RBFOX1: variants seen among roughly 807,000 people sequenced by gnomAD.
RBFOX1 encodes RNA binding fox-1 homolog 1, also known as RNA binding protein fox-1 homolog 1.
Under a neutral mutation model 57.7 loss-of-function variants are expected in RBFOX1, and 8 were observed. The ratio of observed to expected loss-of-function variants is 0.14; its 90% CI spans 0.08 to 0.25. RBFOX1 has a LOEUF of 0.25. Among genes scored for constraint, RBFOX1 ranks in the 10% least tolerant of loss-of-function variants. RBFOX1 has a pLI of 1.00. For synonymous variants in RBFOX1, 326 were observed against 222.4 expected (o/e 1.47, Z -4.15); for missense variants, 611 against 548.5 (o/e 1.11, Z -1.14).
intron 3 of RBFOX1, among the ~76,000 whole-genome samples, chr16:6,908,816 G>C (rs1321721484): frequency 2.0e-4 from 30 of 152,096 alleles, no homozygotes; most frequent in Admixed American, 2.0e-3. Flanking sequence ...GATAAATGGA[G>C]GTGAGGTTGT....
intron 3 of RBFOX1, among the ~76,000 whole-genome samples, chr16:6,683,959 C>T (rs11077066): frequency 0.67 from 102,393 of 152,086 alleles, 36,092 homozygotes; most frequent in Non-Finnish European, 0.78. Context: ...GCTAATACCT[C>T]TTCCCTTCTT....
intron 5 of RBFOX1, among the ~76,000 whole-genome samples, chr16:7,572,082 G>A (rs967054187): frequency 2.6e-5 from 4 of 152,118 alleles, no homozygotes; most frequent in Non-Finnish European, 4.4e-5. Flanking sequence ...AACCAAGATC[G>A]CACCATTGCA....
intron 2 of RBFOX1, among the ~76,000 whole-genome samples, chr16:5,498,731 T>A (rs563243653): frequency 6.6e-6 from 1 of 152,362 alleles, no homozygotes; most frequent in Non-Finnish European, 1.5e-5. Flanking sequence ...AGAAATTATC[T>A]GATAGGCAGT....
chr16:7,437,551 A>T (rs1055916412), intron 4 of RBFOX1, among the ~76,000 whole-genome samples: 1 of 152,194 alleles, frequency 6.6e-6, no homozygotes, highest in African/African-American at 2.4e-5. Context: ...TGGGAACGGA[A>T]ACTCAGCAAA....
At chr16:7,032,828 G>A (rs2043160385) in intron 3 of RBFOX1, among the ~76,000 whole-genome samples, 1 of 152,070 alleles carries the variant, frequency 6.6e-6, no homozygotes, top group African/African-American at 2.4e-5. Context: ...GTGTCTCCAG[G>A]CTCATGGCAT....
At chr16:5,504,060 C>T (rs939162821) in intron 2 of RBFOX1, among the ~76,000 whole-genome samples, 26 of 152,142 alleles carry the variant, frequency 1.7e-4, no homozygotes, top group African/African-American at 6.0e-4. Context: ...CCCTTCCTGG[C>T]ATCTGGAGCA....
intron 2 of RBFOX1, among the ~76,000 whole-genome samples, chr16:6,537,805 G>A (rs1184510417): frequency 6.6e-6 from 1 of 151,992 alleles, no homozygotes; most frequent in Non-Finnish European, 1.5e-5. Context: ...CTGAAATTCA[G>A]GAAATGATTT....
chr16:7,373,750 G>A (rs890324148), intron 4 of RBFOX1, among the ~76,000 whole-genome samples: 20 of 152,146 alleles, frequency 1.3e-4, no homozygotes, highest in South Asian at 8.3e-4. Flanking sequence ...AGCTCTTTGC[G>A]CTGATATTGA....
At position 6,916,655 on chromosome 16, in the gene RBFOX1, C is replaced by T. The variant is rs553248151; in HGVS notation, c.-15-135402C>T. ...CTTGTGTTTTTCTGGATGGTCATCA[C>T]GACCTTCCCAGGTCGTCCTTTTACC... On this transcript the variant is annotated intron_variant, in intron 3 of 15. Transcript: ENST00000550418. Among the ~76,000 whole-genome samples the T allele has an allele frequency of 9.4e-4, 143 of 152,182 alleles. 3 individuals carry two copies. The highest frequency in any genetic ancestry group is 2.7e-3 in the South Asian group (13 of 4,824).
At chr16:7,312,063 C>A (rs1480206024) in intron 4 of RBFOX1, among the ~76,000 whole-genome samples, 2 of 152,152 alleles carry the variant, frequency 1.3e-5, no homozygotes, top group Non-Finnish European at 2.9e-5. Context: ...GTGCAGTGAG[C>A]AGCCTATAGA....
intron 3 of RBFOX1, among the ~76,000 whole-genome samples, chr16:6,991,872 C>G (rs1279401233): frequency 6.6e-6 from 1 of 152,166 alleles, no homozygotes; most frequent in South Asian, 2.1e-4. Flanking sequence ...ATAGGAATCA[C>G]TTCAGGGTTT....
intron 3 of RBFOX1, among the ~76,000 whole-genome samples, chr16:5,767,833 C>A (rs1276517222): frequency 6.6e-6 from 1 of 152,112 alleles, no homozygotes; most frequent in Non-Finnish European, 1.5e-5. Flanking sequence ...GCCACCTCCT[C>A]CCCCTCACTC....
chr16:7,709,789 G>T (rs930379577), intron 15 of RBFOX1: 40 of 1,238,370 alleles, frequency 3.2e-5, no homozygotes, highest in Non-Finnish European at 4.0e-5. Context: ...GGTAAGGGTG[G>T]GGTGAACTTG....
intron 2 of RBFOX1, among the ~76,000 whole-genome samples, chr16:6,609,365 G>T (rs1479871854): frequency 6.6e-6 from 1 of 151,962 alleles, no homozygotes; most frequent in Non-Finnish European, 1.5e-5. Flanking sequence ...TATTTTTTGA[G>T]ACAGGGTCTC....
chr16:6,656,925 C>CCCCTT (rs2098659527), intron 3 of RBFOX1, among the ~76,000 whole-genome samples: 1 of 135,088 alleles, frequency 7.4e-6, no homozygotes, highest in African/African-American at 2.8e-5. Context: ...CCCCTCTCCT[C>CCCCTT]TCCTCCCCTC....
intron 3 of RBFOX1, among the ~76,000 whole-genome samples, chr16:6,664,600 C>T (rs907623033): frequency 2.0e-5 from 3 of 152,154 alleles, no homozygotes; most frequent in African/African-American, 7.2e-5. Context: ...ATGTAGCCCA[C>T]CACCAGTGAG....
At chr16:7,002,684 C>T (rs182566516) in intron 3 of RBFOX1, among the ~76,000 whole-genome samples, 18 of 152,168 alleles carry the variant, frequency 1.2e-4, no homozygotes, top group Admixed American at 9.2e-4. Context: ...TGCACTCCAG[C>T]CTGGTGATAG....
chr16:6,185,514 C>T (rs916257619), intron 1 of RBFOX1, among the ~76,000 whole-genome samples: 1 of 152,196 alleles, frequency 6.6e-6, no homozygotes, highest in Non-Finnish European at 1.5e-5. Context: ...TTTCCTATCC[C>T]CAGCCTGTCT....
intron 4 of RBFOX1, among the ~76,000 whole-genome samples, chr16:7,223,935 C>G (rs918276420): frequency 6.6e-6 from 1 of 151,642 alleles, no homozygotes; most frequent in Non-Finnish European, 1.5e-5. Flanking sequence ...TGGACACATA[C>G]CAGGATAGGC....
Sources: gnomAD v4.1 joint callset for allele counts (sites outside exome capture counted in the v4.1 genomes callset) on GRCh38, gnomAD v4.1.1 for gene constraint, MANE v1.5 for transcripts, NCBI Gene and HGNC (gene_info 2026-07-23, HGNC 2026-07-21) for gene names.